Variants in GIPC2 observed in about 807,000 individuals in gnomAD.
GIPC2 encodes PDZ domain-containing protein GIPC2.
Under a neutral mutation model 30.6 loss-of-function variants are expected in GIPC2, and 30 were observed. That is an observed-to-expected ratio of 0.98 (90% CI 0.73 to 1.33). The LOEUF (loss-of-function observed/expected upper bound fraction) is 1.33. Ranked by LOEUF, GIPC2 falls within the 40% of genes most tolerant of loss-of-function variation. GIPC2 has a pLI of 0.00. For missense variants in GIPC2, 414 were observed against 390.3 expected (o/e 1.06, Z -0.51); for synonymous variants, 167 against 150.0 (o/e 1.11, Z -0.83).
In GIPC2 at chr1:78,135,839, C is replaced by A; in HGVS notation, c.*96C>A. On this transcript the variant is annotated 3_prime_UTR_variant, in exon 6 of 6. Coordinates refer to ENST00000370759, the MANE Select transcript of GIPC2 (RefSeq NM_017655.6). ...ATCTGTTTTTGGACACCTTTACTAACTCTGGTTTAATTTCATGTGTATGGA... is the reference window on the plus strand; with the variant it reads ...ATCTGTTTTTGGACACCTTTACTAAATCTGGTTTAATTTCATGTGTATGGA... 5 of 953,674 alleles carry A rather than the reference C, an allele frequency of 5.2e-6. No individual in the cohort carries two copies. The highest frequency in any genetic ancestry group is 1.7e-5 in the African/African-American group (1 of 59,634). The allele number at this position is 953,674 out of a possible 1,614,324, so 59.1% of individuals were successfully genotyped here.
chr1:78,079,964 T>C (rs1228671622), intron 1 of GIPC2, among the ~76,000 whole-genome samples: 1 of 152,156 alleles, frequency 6.6e-6, no homozygotes, highest in East Asian at 1.9e-4. Context: ...GTACAAGTTG[T>C]TTTAAAATCT....
At chr1:78,094,860 C>T (rs1283864656) in intron 2 of GIPC2, 92 bp from the exon 3 acceptor site, 1 of 873,566 alleles carries the variant, frequency 1.1e-6, no homozygotes, top group Non-Finnish European at 1.8e-6. Context: ...ACTAACCAGG[C>T]CCAAACCTGC....
At chr1:78,096,179 A>G (rs1662134128) in intron 3 of GIPC2, among the ~76,000 whole-genome samples, 1 of 152,170 alleles carries the variant, frequency 6.6e-6, no homozygotes, top group African/African-American at 2.4e-5. Context: ...GGAGCACTCT[A>G]GGAACTACCT....
intron 3 of GIPC2, among the ~76,000 whole-genome samples, chr1:78,117,699 C>T (rs1436636316): frequency 1.3e-5 from 2 of 152,152 alleles, no homozygotes; most frequent in Admixed American, 1.3e-4. Context: ...GCATCCCCTC[C>T]CCACCTGCCT....
intron 1 of GIPC2, among the ~76,000 whole-genome samples, chr1:78,050,536 G>GA (rs1196279115): frequency 1.4e-5 from 2 of 147,756 alleles, no homozygotes; most frequent in African/African-American, 2.5e-5. Context: ...TCAGTAAAAA[G>GA]AAAAAAAACC....
At chr1:78,100,012 A>G (rs967359142) in intron 3 of GIPC2, among the ~76,000 whole-genome samples, 2 of 152,224 alleles carry the variant, frequency 1.3e-5, no homozygotes, top group Non-Finnish European at 2.9e-5. Context: ...AGACTGGGCA[A>G]TGAAGAGGCA....
chr1:78,125,358 A>G (rs144710534), intron 4 of GIPC2, among the ~76,000 whole-genome samples: 232 of 152,170 alleles, frequency 1.5e-3, no homozygotes, highest in African/African-American at 5.3e-3. Context: ...TAATTAATTA[A>G]TTAATTTTTT....
At chr1:78,130,821 C>G (rs767854101) in intron 5 of GIPC2, among the ~76,000 whole-genome samples, 2 of 152,044 alleles carry the variant, frequency 1.3e-5, no homozygotes, top group Non-Finnish European at 2.9e-5. Flanking sequence ...CCGTAAATAT[C>G]TTATATTTAA....
chr1:78,057,812 A>G (rs1384550017), intron 1 of GIPC2, among the ~76,000 whole-genome samples: 1 of 152,216 alleles, frequency 6.6e-6, no homozygotes, highest in Non-Finnish European at 1.5e-5. Context: ...AACAGACAAT[A>G]ATCCTTGGCC....
chr1:78,046,222 T>G lies in GIPC2; in HGVS notation c.128T>G (p.Val43Gly). 1.9e-6 allele frequency: 3 copies of G among 1,602,466 alleles called. No individual in the cohort carries two copies. Among genetic ancestry groups the G allele is most frequent in the Non-Finnish European group, 1.7e-6 (2 of 1,175,768 alleles). Residue 43 changes from valine to glycine, a missense_variant, in exon 1 of 6, where the codon GTC (valine) becomes GGC (glycine). Transcript: ENST00000370759. ...SASRAPARRL[V>G]FHAQLAHGSA... ...TCCCGGGCTCCCGCACGCAGGCTGGTCTTCCACGCGCAGCTGGCGCACGGT... is the reference window on the plus strand; with the variant it reads ...TCCCGGGCTCCCGCACGCAGGCTGGGCTTCCACGCGCAGCTGGCGCACGGT...
chr1:78,061,564 G>T (rs562818466), intron 1 of GIPC2, among the ~76,000 whole-genome samples: 6 of 151,800 alleles, frequency 4.0e-5, no homozygotes, highest in Non-Finnish European at 8.8e-5. Flanking sequence ...GCAGTGGTGC[G>T]ATCTGGGCTC....
At position 78,136,096 on chromosome 1, in the gene GIPC2, T is replaced by G. The variant is rs528275303; in HGVS notation, c.*353T>G. ...ATAGATGATTTCAATAGCTTTGTAGTTTTTTTTCAAAATCTTAATGTAAAC... is the reference window on the plus strand; with the variant it reads ...ATAGATGATTTCAATAGCTTTGTAGGTTTTTTTCAAAATCTTAATGTAAAC... On this transcript the variant is annotated 3_prime_UTR_variant, in exon 6 of 6. Coordinates refer to ENST00000370759, the MANE Select transcript of GIPC2 (RefSeq NM_017655.6). 6.0e-6 allele frequency: 1 copy of G among 167,980 alleles called. No individual in the cohort carries two copies. The highest frequency in any genetic ancestry group is 1.8e-4 in the East Asian group (1 of 5,624). The allele number at this position is 167,980 out of a possible 1,614,324, so 10.4% of individuals were successfully genotyped here.
chr1:78,134,168 G>A (rs1457984945), intron 5 of GIPC2, among the ~76,000 whole-genome samples: 1 of 152,076 alleles, frequency 6.6e-6, no homozygotes, highest in Non-Finnish European at 1.5e-5. Context: ...ATGCATTTAT[G>A]TCTGTATTTT....
chr1:78,069,199 C>A, intron 1 of GIPC2: 1 of 505,594 alleles, frequency 2.0e-6, no homozygotes, highest in Non-Finnish European at 2.6e-6. Flanking sequence ...GCTCTTCACC[C>A]TTTCCCATTC....
At chr1:78,065,961 A>G (rs899470147) in intron 1 of GIPC2, among the ~76,000 whole-genome samples, 6 of 152,250 alleles carry the variant, frequency 3.9e-5, no homozygotes, top group African/African-American at 1.4e-4. Context: ...CCTAGGCAGT[A>G]CCATTCTGGA....
intron 1 of GIPC2, among the ~76,000 whole-genome samples, chr1:78,076,141 C>T (rs1661713293): frequency 6.6e-6 from 1 of 152,198 alleles, no homozygotes; most frequent in Non-Finnish European, 1.5e-5. Flanking sequence ...AATTGGTAGT[C>T]ATTAAGCAAT....
intron 3 of GIPC2, among the ~76,000 whole-genome samples, chr1:78,099,443 CTT>C (rs1300122222): frequency 6.3e-5 from 9 of 143,464 alleles, no homozygotes; most frequent in Admixed American, 7.0e-5. Flanking sequence ...TTTTCTCTTT[CTT>C]TTTTTTTTTT....
intron 4 of GIPC2, among the ~76,000 whole-genome samples, chr1:78,122,110 A>T (rs1662694088): frequency 6.6e-6 from 1 of 152,208 alleles, no homozygotes; most frequent in Admixed American, 6.5e-5. Flanking sequence ...CTTAAGATCT[A>T]CCTGGGGAGG....
rs149493823 is a variant in GIPC2 at position 78,060,834 on chromosome 1, T to C, written c.240+14500T>C. Among the ~76,000 whole-genome samples the C allele has an allele frequency of 1.1e-3, 161 of 152,222 alleles. 1 individual carries two copies. The highest frequency in any genetic ancestry group is 3.7e-3 in the African/African-American group (152 of 41,536). On this transcript the variant is annotated intron_variant, in intron 1 of 5. Coordinates refer to ENST00000370759, the MANE Select transcript of GIPC2 (RefSeq NM_017655.6). Reference sequence around the variant, plus strand: ...ATGTGTGTGTGTGTATATAGATAGATAGATAGATAGGTAGATAGATAAACA... The same window carrying C: ...ATGTGTGTGTGTGTATATAGATAGACAGATAGATAGGTAGATAGATAAACA...
Sources: gnomAD v4.1 joint callset for allele counts (sites outside exome capture counted in the v4.1 genomes callset) on GRCh38, gnomAD v4.1.1 for gene constraint, MANE v1.5 for transcripts, NCBI Gene and HGNC (gene_info 2026-07-23, HGNC 2026-07-21) for gene names.